VPS13B: variants seen among roughly 807,000 people sequenced by gnomAD.
VPS13B encodes the protein vacuolar protein sorting 13 homolog B, also known as intermembrane lipid transfer protein VPS13B.
In VPS13B, 285 loss-of-function variants were observed where a neutral mutation model predicts 426.4. That is an observed-to-expected ratio of 0.67 (90% CI 0.61 to 0.74). VPS13B has a LOEUF of 0.74. VPS13B is among the 30% of genes least tolerant of loss of function. The pLI, the probability that VPS13B is intolerant of heterozygous loss-of-function variation, is 0.00. For synonymous variants in VPS13B, 1,676 were observed against 1,676.4 expected (o/e 1.00, Z 0.01); for missense variants, 4,537 against 4,782.6 (o/e 0.95, Z 1.51).
chr8:99,599,062 A>G (rs1418364771), intron 33 of VPS13B, among the ~76,000 whole-genome samples: 1 of 151,974 alleles, frequency 6.6e-6, no homozygotes, highest in Non-Finnish European at 1.5e-5. Context: ...CTTCTCTACA[A>G]CTATCTAAAG....
intron 16 of VPS13B, among the ~76,000 whole-genome samples, chr8:99,177,929 C>T (rs150366302): frequency 6.6e-6 from 1 of 152,108 alleles, no homozygotes; most frequent in Non-Finnish European, 1.5e-5. Context: ...ATTCTAGTGA[C>T]AGCATTTTAA....
At chr8:99,707,572 C>T (rs1832541601) in intron 36 of VPS13B, among the ~76,000 whole-genome samples, 1 of 152,202 alleles carries the variant, frequency 6.6e-6, no homozygotes, top group Non-Finnish European at 1.5e-5. Flanking sequence ...AGATAACTAA[C>T]TATACCAACT....
At chr8:99,743,248 A>G (rs181391753) in intron 39 of VPS13B, among the ~76,000 whole-genome samples, 14 of 152,298 alleles carry the variant, frequency 9.2e-5, no homozygotes, top group East Asian at 1.9e-4. Flanking sequence ...TAAAATACCT[A>G]GGAATCCAAC....
At chr8:99,222,829 A>G (rs1469964438) in intron 17 of VPS13B, among the ~76,000 whole-genome samples, 1 of 152,118 alleles carries the variant, frequency 6.6e-6, no homozygotes, top group African/African-American at 2.4e-5. Context: ...CCTTTGATAT[A>G]GGAGATTATT....
chr8:99,439,560 A>G (rs1249491527), intron 22 of VPS13B, among the ~76,000 whole-genome samples: 1 of 152,134 alleles, frequency 6.6e-6, no homozygotes, highest in Non-Finnish European at 1.5e-5. Context: ...AGAGTAACAT[A>G]CACTTATATA....
At chr8:99,600,690 A>T (rs1341095031) in intron 33 of VPS13B, among the ~76,000 whole-genome samples, 6 of 152,172 alleles carry the variant, frequency 3.9e-5, no homozygotes, top group African/African-American at 1.4e-4. Context: ...CTAACTTTGC[A>T]TTTGCCTGAG....
At chr8:99,311,705 G>T (rs1004647208) in intron 19 of VPS13B, among the ~76,000 whole-genome samples, 1 of 152,170 alleles carries the variant, frequency 6.6e-6, no homozygotes, top group African/African-American at 2.4e-5. Flanking sequence ...GCAGAGCTGA[G>T]TTCTGGTCCT....
Position 99,135,637 on chromosome 8 carries a change from A to G in VPS13B, c.1467A>G (p.Lys489=), listed in dbSNP as rs763225852. 8.1e-6 allele frequency: 13 copies of G among 1,613,338 alleles called. No individual in the cohort carries two copies. Among genetic ancestry groups the G allele is most frequent in the South Asian group, 1.1e-5 (1 of 91,060 alleles). Residue 489 remains lysine (K), a synonymous_variant, in exon 11 of 62, where the codon AAA becomes AAG. Coordinates refer to ENST00000357162, the MANE Select transcript of VPS13B (RefSeq NM_152564.5). ...FFICGDNLST[K]GFTYLTNSLF... is the part of the protein sequence containing the mutation. ...TTTGTGGTGACAATTTGAGTACGAA[A>G]GGTTTCACATACCTTACAAATTCAT...
At chr8:99,309,033 T>C (rs1820803188) in intron 19 of VPS13B, among the ~76,000 whole-genome samples, 1 of 152,170 alleles carries the variant, frequency 6.6e-6, no homozygotes, top group Non-Finnish European at 1.5e-5. Flanking sequence ...GAGTTGTTTG[T>C]TTTTTTCTTG....
chr8:99,252,856 A>G (rs1470987829), intron 17 of VPS13B, among the ~76,000 whole-genome samples: 1 of 152,138 alleles, frequency 6.6e-6, no homozygotes, highest in Non-Finnish European at 1.5e-5. Context: ...AAAACGTATC[A>G]TACAGCTATT....
chr8:99,337,509 A>G (rs1390313362), intron 19 of VPS13B, among the ~76,000 whole-genome samples: 2 of 151,994 alleles, frequency 1.3e-5, no homozygotes, highest in Non-Finnish European at 2.9e-5. Context: ...AACTTAAAGT[A>G]TAATAAAAAA....
intron 17 of VPS13B, among the ~76,000 whole-genome samples, chr8:99,205,636 G>A (rs1030234561): frequency 6.6e-6 from 1 of 152,272 alleles, no homozygotes; most frequent in Admixed American, 6.5e-5. Context: ...GATAGACTGA[G>A]TTGGCTCACC....
At chr8:99,677,071 G>A (rs541547936) in intron 35 of VPS13B, among the ~76,000 whole-genome samples, 13 of 152,238 alleles carry the variant, frequency 8.5e-5, no homozygotes, top group South Asian at 4.1e-4. Context: ...AGCCGAGATC[G>A]TGTCATTGCA....
At chr8:99,161,396 G>A (rs1186861034) in intron 15 of VPS13B, among the ~76,000 whole-genome samples, 1 of 152,108 alleles carries the variant, frequency 6.6e-6, no homozygotes, top group Non-Finnish European at 1.5e-5. Context: ...ACTCAAGAAG[G>A]ATGTTCACCA....
intron 56 of VPS13B, among the ~76,000 whole-genome samples, chr8:99,855,006 C>T (rs1816474970): frequency 6.6e-6 from 1 of 152,160 alleles, no homozygotes; most frequent in South Asian, 2.1e-4. Flanking sequence ...ATTCCCTTTT[C>T]AGTCTGGCTG....
At chr8:99,780,424 A>G (rs1270536744) in intron 42 of VPS13B, among the ~76,000 whole-genome samples, 1 of 152,184 alleles carries the variant, frequency 6.6e-6, no homozygotes, top group Non-Finnish European at 1.5e-5. Flanking sequence ...CTCCCAGGGT[A>G]AAAATACTCT....
chr8:99,652,656 T>C (rs759848472), intron 34 of VPS13B, among the ~76,000 whole-genome samples: 3 of 152,100 alleles, frequency 2.0e-5, no homozygotes, highest in Non-Finnish European at 4.4e-5. Context: ...ACCTCATAAA[T>C]CATATCTTGA....
intron 3 of VPS13B, among the ~76,000 whole-genome samples, chr8:99,049,197 G>T (rs1843391191): frequency 6.6e-6 from 1 of 151,398 alleles, no homozygotes; most frequent in Non-Finnish European, 1.5e-5. Flanking sequence ...CATTTATAGT[G>T]CTATTTGTTG....
chr8:99,312,020 G>C (rs1278513288), intron 19 of VPS13B, among the ~76,000 whole-genome samples: 1 of 152,030 alleles, frequency 6.6e-6, no homozygotes, highest in African/African-American at 2.4e-5. Flanking sequence ...TTGTCTGTTT[G>C]CTTGGTAGAT....
Sources: gnomAD v4.1 joint callset for allele counts (sites outside exome capture counted in the v4.1 genomes callset) on GRCh38, gnomAD v4.1.1 for gene constraint, MANE v1.5 for transcripts, NCBI Gene and HGNC (gene_info 2026-07-23, HGNC 2026-07-21) for gene names.